PHLPP1: variants seen among roughly 807,000 people sequenced by gnomAD.
The protein encoded by PHLPP1 is PH domain and leucine rich repeat protein phosphatase 1.
Under a neutral mutation model 117.2 loss-of-function variants are expected in PHLPP1, and 42 were observed. The ratio of observed to expected loss-of-function variants is 0.36; its 90% CI spans 0.28 to 0.46. The LOEUF (loss-of-function observed/expected upper bound fraction) is 0.46, where lower values mean the gene tolerates loss of function less well. Among genes scored for constraint, PHLPP1 ranks in the 20% least tolerant of loss-of-function variants. PHLPP1 has a pLI of 1.00. For synonymous variants in PHLPP1, 1,042 were observed against 970.7 expected (o/e 1.07, Z -1.37); for missense variants, 2,084 against 2,241.9 (o/e 0.93, Z 1.42).
intron 1 of PHLPP1, among the ~76,000 whole-genome samples, chr18:62,790,128 T>A (rs1913414701): frequency 6.6e-6 from 1 of 152,208 alleles, no homozygotes; most frequent in South Asian, 2.1e-4. Flanking sequence ...AAGGTAAGAC[T>A]ATAAATAAGA....
intron 1 of PHLPP1, among the ~76,000 whole-genome samples, chr18:62,737,381 TAAGC>T (rs1437724983): frequency 6.6e-6 from 1 of 152,198 alleles, no homozygotes; most frequent in Non-Finnish European, 1.5e-5. Context: ...CTTGACTCGA[TAAGC>T]AAGTCAAGTG....
chr18:62,798,055 A>G (rs1018974357), intron 1 of PHLPP1, among the ~76,000 whole-genome samples: 2 of 152,210 alleles, frequency 1.3e-5, no homozygotes, highest in Non-Finnish European at 2.9e-5. Context: ...ACTTGACTTC[A>G]TTCCCTCCTT....
chr18:62,886,539 T>TA, intron 4 of PHLPP1, among the ~76,000 whole-genome samples: 1 of 152,322 alleles, frequency 6.6e-6, no homozygotes, highest in East Asian at 1.9e-4. Flanking sequence ...CTTCCCAAAG[T>TA]GCTGGGGTTA....
At chr18:62,881,325 A>C (rs953577587) in intron 4 of PHLPP1, among the ~76,000 whole-genome samples, 7 of 152,132 alleles carry the variant, frequency 4.6e-5, no homozygotes, top group Admixed American at 1.3e-4. Flanking sequence ...TTACAGCAAA[A>C]TGTCCATGGA....
chr18:62,941,374 G>A (rs1910125676), intron 10 of PHLPP1, among the ~76,000 whole-genome samples: 1 of 152,164 alleles, frequency 6.6e-6, no homozygotes. Context: ...TTACAAAATA[G>A]GAAACTGTTT....
At chr18:62,735,886 C>T (rs1911355657) in intron 1 of PHLPP1, among the ~76,000 whole-genome samples, 1 of 151,808 alleles carries the variant, frequency 6.6e-6, no homozygotes, top group African/African-American at 2.4e-5. Context: ...TTAAATGGCA[C>T]ATGTATACAT....
rs1157937957 is a variant in PHLPP1, at chr18:62,818,603, C to G, written c.1577-11432C>G. 3.3e-5 allele frequency among the ~76,000 whole-genome samples: 5 copies of G among 152,196 alleles called. No homozygotes were observed. In the East Asian group the frequency reaches 9.7e-4, roughly 29 times the overall value. On this transcript the variant is annotated intron_variant, in intron 1 of 16. Transcript: ENST00000262719. ...TTTACAAAAGCTGAAAGACTATCAA[C>G]AGCAGACCTGTGTCGTAAGAAATGT...
At chr18:62,965,523 A>AATCTCGGC (rs1278872293) in intron 14 of PHLPP1, among the ~76,000 whole-genome samples, 1 of 136,716 alleles carries the variant, frequency 7.3e-6, no homozygotes, top group Non-Finnish European at 1.5e-5. Flanking sequence ...GCAATGGCGC[A>AATCTCGGC]ATCTCGGCTC....
chr18:62,787,981 T>G (rs1913344814), intron 1 of PHLPP1, among the ~76,000 whole-genome samples: 1 of 152,220 alleles, frequency 6.6e-6, no homozygotes, highest in Non-Finnish European at 1.5e-5. Flanking sequence ...GGGAGAACAT[T>G]GCTAGTTTTA....
chr18:62,907,254 C>G (rs1916873315), intron 8 of PHLPP1, among the ~76,000 whole-genome samples: 2 of 26,710 alleles, frequency 7.5e-5, no homozygotes, highest in Non-Finnish European at 1.9e-4. Context: ...AGCGCCTCTC[C>G]TCCTCCAAAG....
chr18:62,727,756 G>A (rs572840286), intron 1 of PHLPP1, among the ~76,000 whole-genome samples: 54 of 152,174 alleles, frequency 3.5e-4, no homozygotes, highest in African/African-American at 1.2e-3. Context: ...TTGAGGGACA[G>A]TAGGGAGAAA....
chr18:62,970,928 G>A (rs1212050335), intron 14 of PHLPP1, among the ~76,000 whole-genome samples: 1 of 152,140 alleles, frequency 6.6e-6, no homozygotes, highest in African/African-American at 2.4e-5. Context: ...TCCTGCTGGT[G>A]GTAAATGCTT....
At chr18:62,938,384 AAAG>A in intron 10 of PHLPP1, among the ~76,000 whole-genome samples, 1 of 152,318 alleles carries the variant, frequency 6.6e-6, no homozygotes, top group South Asian at 2.1e-4. Flanking sequence ...TTGCAAAACT[AAAG>A]TATTTGTTCG....
intron 1 of PHLPP1, among the ~76,000 whole-genome samples, chr18:62,746,078 T>C (rs966226383): frequency 2.6e-5 from 4 of 152,030 alleles, no homozygotes; most frequent in South Asian, 2.1e-4. Context: ...AGTTTCACTC[T>C]TGTTGCCCAG....
intron 1 of PHLPP1, among the ~76,000 whole-genome samples, chr18:62,828,139 C>T (rs1259900405): frequency 6.6e-6 from 1 of 151,994 alleles, no homozygotes; most frequent in Non-Finnish European, 1.5e-5. Context: ...TAGTCCTTCA[C>T]TTGCTTTTCA....
At chr18:62,936,177 G>A (rs1397094216) in intron 10 of PHLPP1, among the ~76,000 whole-genome samples, 20 of 152,280 alleles carry the variant, frequency 1.3e-4, no homozygotes, top group Non-Finnish European at 4.4e-5. Context: ...CAAAGGATGC[G>A]TGAGTCAACT....
chr18:62,723,886 G>A (rs1202736774), intron 1 of PHLPP1, among the ~76,000 whole-genome samples: 1 of 152,206 alleles, frequency 6.6e-6, no homozygotes, highest in Non-Finnish European at 1.5e-5. Context: ...TTGGAGTAGA[G>A]CGAGTCCAAG....
At chr18:62,951,315 C>G (rs1910451737) in intron 12 of PHLPP1, among the ~76,000 whole-genome samples, 1 of 152,102 alleles carries the variant, frequency 6.6e-6, no homozygotes, top group African/African-American at 2.4e-5. Flanking sequence ...TTGTTTTTAA[C>G]TCTGGTTTCA....
intron 1 of PHLPP1, among the ~76,000 whole-genome samples, chr18:62,767,634 A>G (rs760613471): frequency 2.1e-4 from 32 of 152,230 alleles, no homozygotes; most frequent in Non-Finnish European, 3.7e-4. Context: ...CTGTTGCCAC[A>G]GAGTTTTAGA....
Sources: allele counts gnomAD v4.1 joint callset (sites outside exome capture counted in the v4.1 genomes callset), GRCh38; gene constraint gnomAD v4.1.1; transcripts MANE v1.5; gene names NCBI Gene and HGNC (gene_info 2026-07-23, HGNC 2026-07-21).